The following GPC6 variants were observed in gnomAD, a reference collection of about 807,000 sequenced individuals.
GPC6 encodes the protein glypican 6.
In GPC6, 14 loss-of-function variants were observed where a neutral mutation model predicts 55.2. The ratio of observed to expected loss-of-function variants is 0.25; its 90% CI spans 0.17 to 0.40. The LOEUF is 0.40. Ranked by LOEUF, GPC6 falls within the 10% of genes least tolerant of loss-of-function variation. The pLI, the probability that GPC6 is intolerant of heterozygous loss-of-function variation, is 1.00. For missense variants in GPC6, 641 were observed against 708.5 expected (o/e 0.90, Z 1.08); for synonymous variants, 278 against 259.6 (o/e 1.07, Z -0.68).
chr13:93,879,003 G>C (rs1301124405), intron 3 of GPC6, among the ~76,000 whole-genome samples: 2 of 152,074 alleles, frequency 1.3e-5, no homozygotes. Flanking sequence ...GCAGACAAGT[G>C]ATAAGCGTTT....
intron 4 of GPC6, among the ~76,000 whole-genome samples, chr13:94,032,356 C>A (rs541686106): frequency 3.0e-4 from 46 of 152,148 alleles, no homozygotes; most frequent in African/African-American, 1.1e-3. Context: ...ACTTAGTCAG[C>A]GGGGAGTCAG....
At chr13:93,892,259 G>C (rs1391023187) in intron 3 of GPC6, among the ~76,000 whole-genome samples, 1 of 151,850 alleles carries the variant, frequency 6.6e-6, no homozygotes, top group African/African-American at 2.4e-5. Flanking sequence ...CATGGATATG[G>C]GAAGCCCCAA....
At chr13:94,174,440 G>A (rs371612443) in intron 4 of GPC6, among the ~76,000 whole-genome samples, 18 of 152,098 alleles carry the variant, frequency 1.2e-4, no homozygotes, top group Admixed American at 6.6e-5. Context: ...AGGCCCAAGG[G>A]TTATGCAAGC....
intron 2 of GPC6, among the ~76,000 whole-genome samples, chr13:93,653,553 A>G (rs1470518927): frequency 6.6e-6 from 1 of 151,286 alleles, no homozygotes; most frequent in Non-Finnish European, 1.5e-5. Context: ...AATGTCGTCA[A>G]TAATCCTATG....
At chr13:93,299,457 A>G (rs1299056065) in intron 1 of GPC6, among the ~76,000 whole-genome samples, 4 of 152,340 alleles carry the variant, frequency 2.6e-5, no homozygotes, top group Middle Eastern at 6.8e-3. Flanking sequence ...CATGAATTCC[A>G]TAATAAATGT....
intron 1 of GPC6, among the ~76,000 whole-genome samples, chr13:93,426,304 T>C (rs549875124): frequency 3.3e-5 from 5 of 152,158 alleles, no homozygotes; most frequent in Non-Finnish European, 5.9e-5. Context: ...GTTACATATG[T>C]ATACATGTGC....
chr13:94,031,988 C>A (rs1883158577), intron 4 of GPC6, among the ~76,000 whole-genome samples: 1 of 152,070 alleles, frequency 6.6e-6, no homozygotes, highest in Admixed American at 6.5e-5. Context: ...CTATGAGAAC[C>A]AGAGAGAGAT....
intron 1 of GPC6, among the ~76,000 whole-genome samples, chr13:93,327,011 G>A (rs1030703593): frequency 6.6e-6 from 1 of 152,136 alleles, no homozygotes; most frequent in Non-Finnish European, 1.5e-5. Flanking sequence ...CAGTTGAGAA[G>A]GAATCTTCAG....
intron 4 of GPC6, among the ~76,000 whole-genome samples, chr13:94,189,247 CCT>C (rs1889304040): frequency 6.6e-6 from 1 of 152,018 alleles, no homozygotes; most frequent in Admixed American, 6.5e-5. Context: ...TTCTTTCTCT[CCT>C]CTGTACAAAA....
At chr13:93,340,953 T>C (rs1439959857) in intron 1 of GPC6, among the ~76,000 whole-genome samples, 1 of 152,120 alleles carries the variant, frequency 6.6e-6, no homozygotes, top group Non-Finnish European at 1.5e-5. Flanking sequence ...AATTTCCCCC[T>C]GGAGTCCTTT....
At chr13:93,524,034 T>C (rs1182491787) in intron 1 of GPC6, among the ~76,000 whole-genome samples, 1 of 152,010 alleles carries the variant, frequency 6.6e-6, no homozygotes, top group Non-Finnish European at 1.5e-5. Context: ...AAGTCATGTA[T>C]ACTGGAGCAT....
intron 3 of GPC6, among the ~76,000 whole-genome samples, chr13:93,876,062 G>C (rs1419406360): frequency 6.6e-6 from 1 of 151,916 alleles, no homozygotes; most frequent in Non-Finnish European, 1.5e-5. Flanking sequence ...CTGCTTACAG[G>C]GACCTTAGAA....
intron 4 of GPC6, among the ~76,000 whole-genome samples, chr13:94,223,335 A>G (rs1047425602): frequency 7.9e-5 from 12 of 152,280 alleles, no homozygotes; most frequent in African/African-American, 2.4e-4. Flanking sequence ...AGAGAATGAA[A>G]CTGACTTTCC....
At chr13:94,031,017 C>A (rs924881114) in intron 4 of GPC6, among the ~76,000 whole-genome samples, 2 of 151,244 alleles carry the variant, frequency 1.3e-5, no homozygotes, top group African/African-American at 4.9e-5. Context: ...GGTGTGTGTG[C>A]GTGTGTGCAT....
chr13:93,962,470 A>G (rs1879828610), intron 3 of GPC6, among the ~76,000 whole-genome samples: 2 of 151,888 alleles, frequency 1.3e-5, no homozygotes, highest in Non-Finnish European at 2.9e-5. Flanking sequence ...TGTTCATACT[A>G]CTCCCAGTTC....
At chr13:94,225,926 G>A (rs1056366256) in intron 4 of GPC6, among the ~76,000 whole-genome samples, 2 of 152,024 alleles carry the variant, frequency 1.3e-5, no homozygotes, top group African/African-American at 4.8e-5. Flanking sequence ...CCACTGTCTG[G>A]CCTTACATAC....
intron 2 of GPC6, among the ~76,000 whole-genome samples, chr13:93,724,796 T>C (rs893240407): frequency 1.3e-5 from 2 of 152,050 alleles, no homozygotes; most frequent in African/African-American, 4.8e-5. Flanking sequence ...AAAGGTGCGA[T>C]CATTCATTGA....
At chr13:93,740,323 A>G (rs1195068859) in intron 2 of GPC6, among the ~76,000 whole-genome samples, 1 of 152,244 alleles carries the variant, frequency 6.6e-6, no homozygotes, top group Non-Finnish European at 1.5e-5. Context: ...AATCACCTAA[A>G]GTAAACATGT....
rs149401615 is a variant in GPC6, at chr13:93,754,482, G to A, written c.320-75672G>A. Among the ~76,000 whole-genome samples, 919 of 152,012 alleles carry A rather than the reference G, an allele frequency of 6.0e-3. 10 individuals are homozygous for A. Among genetic ancestry groups the A allele is most frequent in the African/African-American group, 0.021 (860 of 41,470 alleles). The stretch of plus-strand genomic sequence containing the variant: ...AGCTAAAAGAGATAAATAATTAATC[G>A]CTTATTCCCAGTACAAGAAAATGAC... On this transcript the variant is annotated intron_variant, in intron 2 of 8. Transcript: ENST00000377047.
Sources: gnomAD v4.1 joint callset for allele counts (sites outside exome capture counted in the v4.1 genomes callset) on GRCh38, gnomAD v4.1.1 for gene constraint, MANE v1.5 for transcripts, NCBI Gene and HGNC (gene_info 2026-07-23, HGNC 2026-07-21) for gene names.